Variants in FABP9 observed in about 807,000 individuals in gnomAD.
FABP9 encodes fatty acid binding protein 9, also known as fatty acid-binding protein 9.
A neutral mutation model predicts 14.7 loss-of-function variants in FABP9; 11 were observed. The ratio of observed to expected loss-of-function variants is 0.75; its 90% CI spans 0.47 to 1.24. The LOEUF is 1.24. Ranked by LOEUF, FABP9 falls within the 50% of genes most tolerant of loss-of-function variation. FABP9 has a pLI of 0.00. For synonymous variants in FABP9, 54 were observed against 50.6 expected (o/e 1.07, Z -0.29); for missense variants, 171 against 158.2 (o/e 1.08, Z -0.44).
At chr8:81,458,751 C>A in intron 2 of FABP9, 48 bp from the exon 3 acceptor site, 1 of 1,217,302 alleles carries the variant, frequency 8.2e-7, no homozygotes, top group Non-Finnish European at 1.2e-6. Flanking sequence ...TACCTTCTAA[C>A]CTACATGAGA....
Position 81,461,485 on chromosome 8 carries a change from G to A in FABP9, c.39C>T (p.Ser13=), listed in dbSNP as rs1176641013. 6.2e-7 allele frequency: 1 copy of A among 1,613,642 alleles called. No individual in the cohort carries two copies. The highest frequency in any genetic ancestry group is 1.7e-5 in the Admixed American group (1 of 59,998). Residue 13 remains serine, a synonymous_variant, in exon 1 of 4, where the codon TCC becomes TCT. Transcript: ENST00000379071. Reference sequence around the variant, plus strand: ...TCATGTAATCCTCAAAGTTTTCACTGGAGACCAGCTTCCAGGTTCCCAAGA... The same window carrying A: ...TCATGTAATCCTCAAAGTTTTCACTAGAGACCAGCTTCCAGGTTCCCAAGA... The part of the protein sequence containing the change: ...EPFLGTWKLV[S]SENFEDYMKE...
chr8:81,458,719 GA>G lies in FABP9; in HGVS notation c.247-17del, dbSNP rs756859712. On this transcript the variant is annotated splice_polypyrimidine_tract_variant and intron_variant, in intron 2 of 3. Coordinates refer to ENST00000379071, the MANE Select transcript of FABP9 (RefSeq NM_001080526.2). Reference sequence around the variant, plus strand: ...TTATGGTGCTCTATAAATGCATAAAGAAATCAGAAGTAGCAACTCACTACCT... The same window carrying G: ...TTATGGTGCTCTATAAATGCATAAAGAATCAGAAGTAGCAACTCACTACCT... 8 of 1,560,374 alleles carry G rather than the reference GA, an allele frequency of 5.1e-6. No homozygotes were observed. The highest frequency in any genetic ancestry group is 7.1e-6 in the Non-Finnish European group (8 of 1,133,398).
intron 1 of FABP9, among the ~76,000 whole-genome samples, chr8:81,459,613 C>T (rs1435704542): frequency 3.3e-5 from 5 of 152,198 alleles, no homozygotes; most frequent in Non-Finnish European, 4.4e-5. Flanking sequence ...CAAATGCTTG[C>T]ACTTCACCTT....
At position 81,458,601 on chromosome 8, in the gene FABP9, C is replaced by A. The variant is rs142572940; in HGVS notation, c.348+1G>T. 17 of 1,606,878 alleles carry A rather than the reference C, an allele frequency of 1.1e-5. No individual in the cohort carries two copies. Among genetic ancestry groups the A allele is most frequent in the African/African-American group, 1.3e-5 (1 of 74,728 alleles). ...AAGACTTCAATTTAAAGAAAACTTA[C>A]CACTACCATTTTTTCATCCACAATT... On this transcript the variant is annotated splice_donor_variant, in intron 3 of 3. Transcript: ENST00000379071. LOFTEE classifies it high-confidence loss of function.
At position 81,459,327 on chromosome 8, in the gene FABP9, G is replaced by A. The variant is rs1035021903; in HGVS notation, c.84C>T (p.Phe28=). ...CTAACCCTGCCATGTTCCGGGCTGC[G>A]AAATTCACTCCTACAAGACAGAGAT... is the stretch of plus-strand genomic sequence containing the variant. ...EDYMKELGVN[F]AARNMAGLVK... Residue 28 remains phenylalanine (F), a synonymous_variant, in exon 2 of 4, where the codon TTC becomes TTT. Coordinates refer to ENST00000379071, the MANE Select transcript of FABP9 (RefSeq NM_001080526.2). The A allele has an allele frequency of 3.3e-6, 5 of 1,525,730 alleles. No homozygotes were observed. Among genetic ancestry groups the A allele is most frequent in the South Asian group, 2.7e-5 (2 of 74,922 alleles). The allele number at this position is 1,525,730 out of a possible 1,614,324, so 94.5% of individuals were successfully genotyped here.
intron 2 of FABP9, 108 bp from the exon 3 acceptor site, chr8:81,458,811 C>T (rs1331792628): frequency 1.3e-6 from 1 of 799,002 alleles, no homozygotes; most frequent in African/African-American, 1.7e-5. Flanking sequence ...TCTTAAAATC[C>T]TCACTTTTGT....
chr8:81,460,367 G>T (rs534633696), intron 1 of FABP9, among the ~76,000 whole-genome samples: 1 of 152,154 alleles, frequency 6.6e-6, no homozygotes, highest in Non-Finnish European at 1.5e-5. Context: ...CTGCTCAGCT[G>T]TTATTCTTGC....
intron 1 of FABP9, 102 bp downstream of exon 1, chr8:81,461,349 C>A: frequency 1.2e-6 from 1 of 854,768 alleles, no homozygotes; most frequent in South Asian, 1.4e-5. Context: ...ACCCTAGGAT[C>A]ACAAAAGGAA....
intron 1 of FABP9, among the ~76,000 whole-genome samples, chr8:81,459,676 G>C (rs147061252): frequency 1.8e-4 from 27 of 152,282 alleles, no homozygotes; most frequent in African/African-American, 6.5e-4. Flanking sequence ...CTTAGAGCCT[G>C]GCCCTGTGGT....
At position 81,459,318 on chromosome 8, in the gene FABP9, C is replaced by T. The variant is rs750305581; in HGVS notation, c.93G>A (p.Arg31=). 3.9e-6 allele frequency: 6 copies of T among 1,534,134 alleles called. No individual in the cohort carries two copies. Among genetic ancestry groups the T allele is most frequent in the Middle Eastern group, 3.4e-4 (2 of 5,824 alleles). The change falls in exon 2 of 4, where the codon CGG becomes CGA. Residue 31 remains arginine (R), a synonymous_variant. Coordinates refer to ENST00000379071, the MANE Select transcript of FABP9 (RefSeq NM_001080526.2). ...TCGGTTTCACTAACCCTGCCATGTT[C>T]CGGGCTGCGAAATTCACTCCTACAA... ...MKELGVNFAA[R]NMAGLVKPTV...
At position 81,458,349 on chromosome 8, in the gene FABP9, C is replaced by T. The variant is rs1295095032; in HGVS notation, c.*34G>A. On this transcript the variant is annotated 3_prime_UTR_variant, in exon 4 of 4. Transcript: ENST00000379071. ...TCTTCTTCAGGTACCAGTTCCTTGT[C>T]AGTGAACAAGTTTTCATTGCTGTGG... 1 of 1,538,298 alleles carries T rather than the reference C, an allele frequency of 6.5e-7. No individual in the cohort carries two copies. The highest frequency in any genetic ancestry group is 1.1e-5 in the South Asian group (1 of 89,450).
At position 81,458,701 on chromosome 8, in the gene FABP9, G is replaced by C. The variant is rs756314738; in HGVS notation, c.249C>G (p.Ser83Arg). 12 of 1,610,036 alleles carry C rather than the reference G, an allele frequency of 7.5e-6. No individual in the cohort carries two copies. The highest frequency in any genetic ancestry group is 1.3e-5 in the African/African-American group (1 of 74,814). Residue 83 changes from serine to arginine, a missense_variant and splice_region_variant, in exon 3 of 4, where the codon AGC becomes AGG. Coordinates refer to ENST00000379071, the MANE Select transcript of FABP9 (RefSeq NM_001080526.2). ...TTGAGCCATTCTCTAATGTTATGGTGCTCTATAAATGCATAAAGAAATCAG... is the reference window on the plus strand; with the variant it reads ...TTGAGCCATTCTCTAATGTTATGGTCCTCTATAAATGCATAAAGAAATCAG... The part of the protein sequence containing the change: ...ETTADNRKVK[S>R]TITLENGSMI...
Position 81,458,338 on chromosome 8 carries a change from C to T in FABP9, c.*45G>A. The stretch of plus-strand genomic sequence containing the variant: ...CCTGAGGCATATCTTCTTCAGGTAC[C>T]AGTTCCTTGTCAGTGAACAAGTTTT... On this transcript the variant is annotated 3_prime_UTR_variant, in exon 4 of 4. Transcript: ENST00000379071. 7.0e-7 allele frequency: 1 copy of T among 1,438,490 alleles called. No homozygotes were observed. The highest frequency in any genetic ancestry group is 1.7e-5 in the Admixed American group (1 of 59,546). 89.1% of individuals were successfully genotyped at this position (1,438,490 alleles called of 1,614,324 possible).
intron 1 of FABP9, among the ~76,000 whole-genome samples, chr8:81,460,799 C>T (rs141156898): frequency 6.6e-6 from 1 of 152,042 alleles, no homozygotes; most frequent in South Asian, 2.1e-4. Context: ...TAGTAAAGAA[C>T]AGTTTAGCTA....
intron 1 of FABP9, among the ~76,000 whole-genome samples, chr8:81,459,653 G>A (rs200789816): frequency 5.9e-5 from 9 of 152,110 alleles, no homozygotes; most frequent in South Asian, 2.1e-4. Flanking sequence ...TTGTGGGTGC[G>A]GGAGGAGTTT....
At chr8:81,458,803 T>C (rs1286751029) in intron 2 of FABP9, 100 bp from the exon 3 acceptor site, 2 of 841,090 alleles carry the variant, frequency 2.4e-6, no homozygotes, top group Admixed American at 2.7e-5. Flanking sequence ...AATTCTTTTC[T>C]TAAAATCCTC....
chr8:81,459,993 T>C (rs1414656184), intron 1 of FABP9, among the ~76,000 whole-genome samples: 1 of 151,934 alleles, frequency 6.6e-6, no homozygotes, highest in Non-Finnish European at 1.5e-5. Flanking sequence ...TTTTTTTGTT[T>C]GTTTGTTTGT....
At chr8:81,458,467 G>T in intron 3 of FABP9, 34 bp from the exon 4 acceptor site, 1 of 1,573,200 alleles carries the variant, frequency 6.4e-7, no homozygotes, top group South Asian at 1.1e-5. Flanking sequence ...AGAGCTGGTA[G>T]ATAACAGGCT....
intron 1 of FABP9, 29 bp downstream of exon 1, chr8:81,461,422 A>G: frequency 6.6e-7 from 1 of 1,510,298 alleles, no homozygotes. Flanking sequence ...TGCTTTGCCA[A>G]TTTCCAAATT....
Sources: allele counts gnomAD v4.1 joint callset (sites outside exome capture counted in the v4.1 genomes callset), GRCh38; gene constraint gnomAD v4.1.1; transcripts MANE v1.5; gene names NCBI Gene and HGNC (gene_info 2026-07-23, HGNC 2026-07-21).